The following HNRNPCL2 variants were observed in gnomAD, a reference collection of about 807,000 sequenced individuals.
HNRNPCL2 encodes heterogeneous nuclear ribonucleoprotein C like 2, also known as heterogeneous nuclear ribonucleoprotein C-like 2.
In HNRNPCL2, 17 loss-of-function variants were observed where a neutral mutation model predicts 18.2. That is an observed-to-expected ratio of 0.94 (90% confidence interval 0.64 to 1.40). The LOEUF (loss-of-function observed/expected upper bound fraction) is 1.40, where lower values mean the gene tolerates loss of function less well. Ranked by LOEUF, HNRNPCL2 falls within the 40% of genes most tolerant of loss-of-function variation. HNRNPCL2 has a pLI of 0.00. For synonymous variants in HNRNPCL2, 133 were observed against 129.9 expected (o/e 1.02, Z -0.16); for missense variants, 358 against 357.1 (o/e 1.00, Z -0.02).
rs373520162 is a variant in HNRNPCL2, at chr1:13,115,693, T to C, written c.708A>G (p.Val236=). The change falls in exon 2 of 2, where the codon GTA becomes GTG. Residue 236 remains valine (V), a synonymous_variant. Transcript: ENST00000621994. The part of the protein sequence containing the change: ...SSSMKKDETH[V]KMESEGGAED... ...CTGCACCCCCCTCAGACTCCATCTTTACATGAGTCTCATCTTTCTTCATGG... is the reference window on the plus strand; with the variant it reads ...CTGCACCCCCCTCAGACTCCATCTTCACATGAGTCTCATCTTTCTTCATGG... The C allele has an allele frequency of 1.1e-4, 181 of 1,613,118 alleles. 4 individuals carry two copies. Among genetic ancestry groups the C allele is most frequent in the East Asian group, 2.0e-4 (9 of 44,714 alleles).
chr1:13,116,195 C>G lies in HNRNPCL2; in HGVS notation c.206G>C (p.Gly69Ala), dbSNP rs556776022. Reference sequence around the variant, plus strand: ...GCTAGCAATCATTCTGCCATCCTCTCCTGCTACAGCAGCCCGGGCATTTTT... The same window carrying G: ...GCTAGCAATCATTCTGCCATCCTCTGCTGCTACAGCAGCCCGGGCATTTTT... Reference protein sequence around the residue: ...KEKNARAAVAGEDGRMIASQV... With the variant: ...KEKNARAAVAAEDGRMIASQV... Residue 69 changes from glycine (G) to alanine (A), a missense_variant, in exon 2 of 2, where the codon GGA becomes GCA. By Grantham distance (60) the Gly-to-Ala change is moderately conservative. Transcript: ENST00000621994. 6 of 1,611,594 alleles carry G rather than the reference C, an allele frequency of 3.7e-6. No homozygotes were observed. The highest frequency in any genetic ancestry group is 5.1e-6 in the Non-Finnish European group (6 of 1,179,442).
Position 13,115,744 on chromosome 1 carries a change from C to A in HNRNPCL2, c.657G>T (p.Lys219Asn). ...SKQEVEVKNA[K>N]SEEEQSSSSM... ...AGCTACTGCTCTGCTCCTCTTCTGACTTAGCATTTTTCACCTCTACCTCTT... is the reference window on the plus strand; with the variant it reads ...AGCTACTGCTCTGCTCCTCTTCTGAATTAGCATTTTTCACCTCTACCTCTT... The change falls in exon 2 of 2, where the codon AAG becomes AAT. Residue 219 changes from lysine to asparagine, a missense_variant. Coordinates refer to ENST00000621994, the MANE Select transcript of HNRNPCL2 (RefSeq NM_001136561.3). 1.9e-6 allele frequency: 3 copies of A among 1,613,602 alleles called. No homozygotes were observed. In the African/African-American group the frequency reaches 4.0e-5, roughly 22 times the overall value.
chr1:13,116,051 C>T lies in HNRNPCL2; in HGVS notation c.350G>A (p.Arg117Gln). The T allele has an allele frequency of 6.2e-7, 1 of 1,613,396 alleles. No individual in the cohort carries two copies. The highest frequency in any genetic ancestry group is 8.5e-7 in the Non-Finnish European group (1 of 1,179,882). ...SSFDLDYGFQ[R>Q]DYYDGMYSFP... ...ACTGTACATCCCATCATAATAATCC[C>T]GTTGAAAGCCATAGTCCAAGTCAAA... Residue 117 changes from arginine to glutamine, a missense_variant, in exon 2 of 2, where the codon CGG becomes CAG. By Grantham distance (43) the Arg-to-Gln change is conservative. Transcript: ENST00000621994.
In HNRNPCL2 at chr1:13,116,208, C is replaced by G. The variant is rs1421585640; in HGVS notation, c.193G>C (p.Ala65Pro). The change falls in exon 2 of 2, where the codon GCT (alanine) becomes CCT (proline). Residue 65 changes from alanine (A) to proline (P), a missense_variant. Physicochemically the swap from Ala to Pro is conservative, Grantham distance 27. Transcript: ENST00000621994. ...CTGCCATCCTCTCCTGCTACAGCAG[C>G]CCGGGCATTTTTCTCCTTATCATAT... ...VQYDKEKNAR[A>P]AVAGEDGRMI... 1 of 1,612,036 alleles carries G rather than the reference C, an allele frequency of 6.2e-7. No homozygotes were observed. Among genetic ancestry groups the G allele is most frequent in the Non-Finnish European group, 8.5e-7 (1 of 1,179,590 alleles).
rs1642832230 is a variant in HNRNPCL2 at position 13,116,596 on chromosome 1, A to C, written c.-181-15T>G. 1 of 1,128,288 alleles carries C rather than the reference A, an allele frequency of 8.9e-7. No homozygotes were observed. Among genetic ancestry groups the C allele is most frequent in the Non-Finnish European group, 1.2e-6 (1 of 819,268 alleles). The allele number at this position is 1,128,288 out of a possible 1,614,324, so 69.9% of individuals were successfully genotyped here. On this transcript the variant is annotated splice_polypyrimidine_tract_variant and intron_variant, in intron 1 of 1. Transcript: ENST00000621994. ...CAACAAGAATTCTGAAATGATGTAA[A>C]GAAAAGCACAACAACATTTTTGAAA... is the stretch of plus-strand genomic sequence containing the variant.
In HNRNPCL2 at chr1:13,115,745, T is replaced by G; in HGVS notation, c.656A>C (p.Lys219Thr). The change falls in exon 2 of 2, where the codon AAG (lysine) becomes ACG (threonine). Residue 219 changes from lysine (K) to threonine (T), a missense_variant. Physicochemically the swap from Lys to Thr is moderately conservative, Grantham distance 78 (BLOSUM62 -1). Coordinates refer to ENST00000621994, the MANE Select transcript of HNRNPCL2 (RefSeq NM_001136561.3). ...SKQEVEVKNA[K>T]SEEEQSSSSM... is the part of the protein sequence containing the mutation. ...GCTACTGCTCTGCTCCTCTTCTGACTTAGCATTTTTCACCTCTACCTCTTG... is the reference window on the plus strand; with the variant it reads ...GCTACTGCTCTGCTCCTCTTCTGACGTAGCATTTTTCACCTCTACCTCTTG... 2 of 1,613,604 alleles carry G rather than the reference T, an allele frequency of 1.2e-6. No individual in the cohort carries two copies. The highest frequency in any genetic ancestry group is 1.7e-6 in the Non-Finnish European group (2 of 1,179,974).
In HNRNPCL2 at chr1:13,115,812, G is replaced by A. The variant is rs1482090982; in HGVS notation, c.589C>T (p.Leu197Phe). 3 of 1,613,158 alleles carry A rather than the reference G, an allele frequency of 1.9e-6. No individual in the cohort carries two copies. Among genetic ancestry groups the A allele is most frequent in the Admixed American group, 1.7e-5 (1 of 59,950 alleles). The part of the protein sequence containing the change: ...LTQIKQKVDS[L>F]LENLEKIEKE... ...TCAATTTTTTCCAGGTTTTCCAGGA[G>A]AGAATCCACTTTCTGTTTTATCTGG... is the stretch of plus-strand genomic sequence containing the variant. The change falls in exon 2 of 2, where the codon CTC becomes TTC. Residue 197 changes from leucine (L) to phenylalanine (F), a missense_variant. Coordinates refer to ENST00000621994, the MANE Select transcript of HNRNPCL2 (RefSeq NM_001136561.3).
rs764946102 is a variant in HNRNPCL2 at position 13,115,750 on chromosome 1, A to G, written c.651T>C (p.Asn217=). Residue 217 remains asparagine, a synonymous_variant, in exon 2 of 2, where the codon AAT becomes AAC. Coordinates refer to ENST00000621994, the MANE Select transcript of HNRNPCL2 (RefSeq NM_001136561.3). Reference sequence around the variant, plus strand: ...TGCTCTGCTCCTCTTCTGACTTAGCATTTTTCACCTCTACCTCTTGTTTGC... The same window carrying G: ...TGCTCTGCTCCTCTTCTGACTTAGCGTTTTTCACCTCTACCTCTTGTTTGC... ...EQSKQEVEVK[N]AKSEEEQSSS... 1.7e-5 allele frequency: 27 copies of G among 1,612,960 alleles called. No individual in the cohort carries two copies. Among genetic ancestry groups the G allele is most frequent in the Non-Finnish European group, 2.2e-5 (26 of 1,179,860 alleles).
At position 13,116,591 on chromosome 1, in the gene HNRNPCL2, T is replaced by C. The variant is rs80339657; in HGVS notation, c.-181-10A>G. On this transcript the variant is annotated splice_polypyrimidine_tract_variant and intron_variant, in intron 1 of 1. Coordinates refer to ENST00000621994, the MANE Select transcript of HNRNPCL2 (RefSeq NM_001136561.3). ...GCTGCCAACAAGAATTCTGAAATGA[T>C]GTAAAGAAAAGCACAACAACATTTT... 1.2e-3 allele frequency: 1,361 copies of C among 1,182,920 alleles called. 5 individuals carry two copies. Among genetic ancestry groups the C allele is most frequent in the Admixed American group, 1.8e-3 (56 of 31,692 alleles). 73.3% of individuals were successfully genotyped at this position (1,182,920 alleles called of 1,614,324 possible). A position where few individuals can be genotyped will look rare whatever the true frequency, so the allele number is the denominator to read the frequency against.
chr1:13,115,932 T>C lies in HNRNPCL2; in HGVS notation c.469A>G (p.Lys157Glu). Residue 157 changes from lysine to glutamate, a missense_variant, in exon 2 of 2, where the codon AAA becomes GAA. By Grantham distance (56) the Lys-to-Glu change is moderately conservative. Coordinates refer to ENST00000621994, the MANE Select transcript of HNRNPCL2 (RefSeq NM_001136561.3). ...RISGNTSRRGKSGFNSKSGKR... is the reference protein window; with the variant it reads ...RISGNTSRRGESGFNSKSGKR... ...CCACTCTTAGAATTGAAGCCACTTT[T>C]GCCCCTTCGTGAGGTGTTTCCTGAT... 1 of 1,613,026 alleles carries C rather than the reference T, an allele frequency of 6.2e-7. No individual in the cohort carries two copies.
Position 13,115,608 on chromosome 1 carries a change from T to C in HNRNPCL2, c.793A>G (p.Asn265Asp), listed in dbSNP as rs374699071. 6.8e-6 allele frequency: 11 copies of C among 1,613,682 alleles called. 2 individuals carry two copies. In the South Asian group the frequency reaches 7.7e-5, roughly 11 times the overall value. ...DDDDNEDQGD[N>D]QLHLIKNNEK... ...TTATTCTTGATCAAATGAAGCTGGT[T>C]GTCCCCCTGATCTTCATTATCATCA... Residue 265 changes from asparagine (N) to aspartate (D), a missense_variant, in exon 2 of 2, where the codon AAC becomes GAC. Asn to Asp is a conservative substitution (Grantham distance 23, BLOSUM62 1). Transcript: ENST00000621994.
In HNRNPCL2 at chr1:13,115,508, C is replaced by T. The variant is rs775022970; in HGVS notation, c.*11G>A. 2 of 1,563,260 alleles carry T rather than the reference C, an allele frequency of 1.3e-6. No homozygotes were observed. The highest frequency in any genetic ancestry group is 2.0e-5 in the Admixed American group (1 of 51,004). ...AACAATGGGATAAGATTTCTCAACCCCACTATGTGCTTAAGAGTCATCCTG... is the reference window on the plus strand; with the variant it reads ...AACAATGGGATAAGATTTCTCAACCTCACTATGTGCTTAAGAGTCATCCTG... On this transcript the variant is annotated 3_prime_UTR_variant, in exon 2 of 2. Transcript: ENST00000621994.
In HNRNPCL2 at chr1:13,116,441, A is replaced by G; in HGVS notation, c.-41T>C. 1.3e-6 allele frequency: 2 copies of G among 1,568,842 alleles called. No homozygotes were observed. Among genetic ancestry groups the G allele is most frequent in the Non-Finnish European group, 1.7e-6 (2 of 1,158,762 alleles). On this transcript the variant is annotated 5_prime_UTR_variant, in exon 2 of 2. Transcript: ENST00000621994. ...GGTTTCTCAAAAAGCCAAAAACAGG[A>G]GGCGGGAGGGAGAAGAGATTCGATT...
Position 13,115,545 on chromosome 1 carries a change from T to G in HNRNPCL2, c.856A>C (p.Ser286Arg). Residue 286 changes from serine to arginine, a missense_variant, in exon 2 of 2, where the codon AGC becomes CGC. By Grantham distance (110) the Ser-to-Arg change is moderately radical (BLOSUM62 -1). Coordinates refer to ENST00000621994, the MANE Select transcript of HNRNPCL2 (RefSeq NM_001136561.3). ...DAEEGEDNRDSTNGQDDS is the reference protein window; with the variant it reads ...DAEEGEDNRDRTNGQDDS ...TAAGAGTCATCCTGGCCATTGGTGC[T>G]GTCTCTGTTATCCTCTCCTTCCTCA... The G allele has an allele frequency of 6.2e-7, 1 of 1,610,490 alleles. No homozygotes were observed. The highest frequency in any genetic ancestry group is 1.1e-5 in the South Asian group (1 of 90,408).
chr1:13,116,275 T>C lies in HNRNPCL2; in HGVS notation c.126A>G (p.Lys42=). 6.2e-7 allele frequency: 1 copy of C among 1,612,466 alleles called. No homozygotes were observed. The highest frequency in any genetic ancestry group is 8.5e-7 in the Non-Finnish European group (1 of 1,179,638). Reference sequence around the variant, plus strand: ...CCTTATGAACAGAGCAGCCCGCAATTTTGCCATACTTGGAAAAGATCGCCT... The same window carrying C: ...CCTTATGAACAGAGCAGCCCGCAATCTTGCCATACTTGGAAAAGATCGCCT... ...DVEAIFSKYG[K]IAGCSVHKGF... The change falls in exon 2 of 2, where the codon AAA becomes AAG. Residue 42 remains lysine, a synonymous_variant. Coordinates refer to ENST00000621994, the MANE Select transcript of HNRNPCL2 (RefSeq NM_001136561.3).
rs1053619486 is a variant in HNRNPCL2, at chr1:13,116,140, C to T, written c.261G>A (p.Glu87=). Reference sequence around the variant, plus strand: ...CTGCGTTTCCTCGGTTCACTTTTGGCTCTGCAGCCAGGTTAATAACTGCAA... The same window carrying T: ...CTGCGTTTCCTCGGTTCACTTTTGGTTCTGCAGCCAGGTTAATAACTGCAA... ...SQVAVINLAA[E]PKVNRGNAGV... The change falls in exon 2 of 2, where the codon GAG becomes GAA. Residue 87 remains glutamate (E), a synonymous_variant. Transcript: ENST00000621994. 1.2e-6 allele frequency: 2 copies of T among 1,611,022 alleles called. No homozygotes were observed. The highest frequency in any genetic ancestry group is 2.7e-5 in the African/African-American group (2 of 74,462).
Position 13,116,244 on chromosome 1 carries a change from C to G in HNRNPCL2, c.157G>C (p.Ala53Pro), listed in dbSNP as rs1282934448. Reference protein sequence around the residue: ...IAGCSVHKGFAFVQYDKEKNA... With the variant: ...IAGCSVHKGFPFVQYDKEKNA... ...TTCTCCTTATCATATTGAACGAAGG[C>G]AAAGCCCTTATGAACAGAGCAGCCC... Residue 53 changes from alanine to proline, a missense_variant, in exon 2 of 2, where the codon GCC becomes CCC. By Grantham distance (27) the Ala-to-Pro change is conservative. Transcript: ENST00000621994. The G allele has an allele frequency of 6.2e-7, 1 of 1,612,516 alleles. No individual in the cohort carries two copies. Among genetic ancestry groups the G allele is most frequent in the South Asian group, 1.1e-5 (1 of 90,930 alleles).
In HNRNPCL2 at chr1:13,116,003, G is replaced by A; in HGVS notation, c.398C>T (p.Pro133Leu). Residue 133 changes from proline (P) to leucine (L), a missense_variant, in exon 2 of 2, where the codon CCT becomes CTT. Physicochemically the swap from Pro to Leu is moderately conservative, Grantham distance 98. Coordinates refer to ENST00000621994, the MANE Select transcript of HNRNPCL2 (RefSeq NM_001136561.3). Reference sequence around the variant, plus strand: ...CACTACAGCCAGAGCAATGGGAGGAGGAGGAGGTACACGTGCTGGGAAACT... The same window carrying A: ...CACTACAGCCAGAGCAATGGGAGGAAGAGGAGGTACACGTGCTGGGAAACT... ...MYSFPARVPP[P>L]PPIALAVVPS... The A allele has an allele frequency of 6.2e-7, 1 of 1,613,366 alleles. No homozygotes were observed. Among genetic ancestry groups the A allele is most frequent in the Non-Finnish European group, 8.5e-7 (1 of 1,179,826 alleles).
Position 13,116,309 on chromosome 1 carries a change from G to C in HNRNPCL2, c.92C>G (p.Ser31Cys). The change falls in exon 2 of 2, where the codon TCT (serine) becomes TGT (cysteine). Residue 31 changes from serine (S) to cysteine (C), a missense_variant. Coordinates refer to ENST00000621994, the MANE Select transcript of HNRNPCL2 (RefSeq NM_001136561.3). ...GNLNTLVVKK[S>C]DVEAIFSKYG... ...CTTGGAAAAGATCGCCTCCACATCA[G>C]ATTTCTTGACAACAAGAGTGTTGAG... 1 of 1,612,180 alleles carries C rather than the reference G, an allele frequency of 6.2e-7. No homozygotes were observed. The highest frequency in any genetic ancestry group is 8.5e-7 in the Non-Finnish European group (1 of 1,179,398).
Sources: gnomAD v4.1 joint callset for allele counts on GRCh38, gnomAD v4.1.1 for gene constraint, MANE v1.5 for transcripts, NCBI Gene and HGNC (gene_info 2026-07-23, HGNC 2026-07-21) for gene names.